The following RPS6KA2 variants were observed in gnomAD, a reference collection of about 807,000 sequenced individuals.
RPS6KA2 encodes the protein ribosomal protein S6 kinase alpha-2.
RPS6KA2 carries 42 observed loss-of-function variants against 91.8 expected under a neutral mutation model. The ratio of observed to expected loss-of-function variants is 0.46; its 90% confidence interval spans 0.36 to 0.59. The LOEUF (loss-of-function observed/expected upper bound fraction) is 0.59. Among genes scored for constraint, RPS6KA2 ranks in the 20% least tolerant of loss-of-function variants. The pLI, the probability that RPS6KA2 is intolerant of heterozygous loss-of-function variation, is 0.00. For synonymous variants in RPS6KA2, 414 were observed against 393.6 expected (o/e 1.05, Z -0.61); for missense variants, 798 against 978.5 (o/e 0.82, Z 2.46).
At chr6:166,447,508 A>G (rs2281053) in intron 14 of RPS6KA2, among the ~76,000 whole-genome samples, 34,443 of 152,122 alleles carry the variant, frequency 0.23, 7,737 homozygotes, top group African/African-American at 0.58. Context: ...GGCGTCTTCT[A>G]TGACAGCAAA....
chr6:166,726,948 C>T lies in RPS6KA2; in HGVS notation c.123+131252G>A, dbSNP rs577606190. Among the ~76,000 whole-genome samples the T allele has an allele frequency of 6.6e-6, 1 of 152,260 alleles. No homozygotes were observed. The highest frequency in any genetic ancestry group is 6.5e-5 in the Admixed American group (1 of 15,302). On this transcript the variant is annotated intron_variant, in intron 2 of 21. Transcript: ENST00000503859. This position sits in a 1 kb window ranked among gnomAD's most constrained non-coding sequence, Gnocchi z 4.4. ...CAAACCTGATTTCCGTGAAGAATTTCCCACTTGCACTCATGAAGACATGGC... is the reference window on the plus strand; with the variant it reads ...CAAACCTGATTTCCGTGAAGAATTTTCCACTTGCACTCATGAAGACATGGC...
intron 2 of RPS6KA2, among the ~76,000 whole-genome samples, chr6:166,672,280 C>T (rs1341712787): frequency 1.3e-5 from 2 of 152,090 alleles, no homozygotes; most frequent in Non-Finnish European, 2.9e-5. Context: ...ACCTCCTGCA[C>T]CACAAGCGAT....
chr6:166,623,106 G>A (rs1447713859), intron 1 of RPS6KA2, among the ~76,000 whole-genome samples: 10 of 152,224 alleles, frequency 6.6e-5, no homozygotes. Flanking sequence ...TGTCTTTCAG[G>A]AGAAATGCCA....
chr6:166,455,440 C>T (rs1240225502), intron 12 of RPS6KA2, among the ~76,000 whole-genome samples: 1 of 152,108 alleles, frequency 6.6e-6, no homozygotes, highest in African/African-American at 2.4e-5. Flanking sequence ...GTGTCCTGAA[C>T]CAAGAGGCAG....
intron 3 of RPS6KA2, among the ~76,000 whole-genome samples, chr6:166,522,235 A>G (rs1562554109): frequency 6.6e-6 from 1 of 152,254 alleles, no homozygotes; most frequent in Non-Finnish European, 1.5e-5. Context: ...AAAGAAAATT[A>G]AGGTTAAGAT....
chr6:166,641,245 A>C (rs546936491), intron 2 of RPS6KA2, among the ~76,000 whole-genome samples: 1 of 152,236 alleles, frequency 6.6e-6, no homozygotes, highest in Non-Finnish European at 1.5e-5. Context: ...CCAAAATCAG[A>C]CCTGTACAGA....
rs1332031387 is a variant in RPS6KA2 at position 166,648,479 on chromosome 6, C to T, written c.124-109695G>A. ...GCAAGAATTACTTGAGAGCAGAAGC[C>T]ATGTCTCATTTGACAAACAGGCAGC... On this transcript the variant is annotated intron_variant, in intron 2 of 21. Transcript: ENST00000503859. This position sits in a 1 kb window ranked among gnomAD's most constrained non-coding sequence, Gnocchi z 4.8. Among the ~76,000 whole-genome samples, 1 of 152,202 alleles carries T rather than the reference C, an allele frequency of 6.6e-6. No homozygotes were observed. Among genetic ancestry groups the T allele is most frequent in the African/African-American group, 2.4e-5 (1 of 41,438 alleles).
In RPS6KA2 at chr6:166,512,816, C is replaced by T. The variant is rs143397553; in HGVS notation, c.299-2459G>A. ...GTGCCACAACAACACGGGGCCCGCC[C>T]ACACTGTGCCGCTTCAGGTGTCATT... On this transcript the variant is annotated intron_variant, in intron 3 of 20. Transcript: ENST00000265678. Among the ~76,000 whole-genome samples the T allele has an allele frequency of 2.7e-3, 412 of 152,348 alleles. 2 individuals are homozygous for T. The highest frequency in any genetic ancestry group is 9.5e-3 in the African/African-American group (395 of 41,580).
intron 2 of RPS6KA2, among the ~76,000 whole-genome samples, chr6:166,679,306 AT>A (rs1189918054): frequency 1.3e-5 from 2 of 151,494 alleles, no homozygotes; most frequent in African/African-American, 4.9e-5. Flanking sequence ...AAAAAAAAAA[AT>A]ACAAAAATTA....
intron 10 of RPS6KA2, among the ~76,000 whole-genome samples, chr6:166,476,370 C>T (rs1206444147): frequency 6.6e-6 from 1 of 152,160 alleles, no homozygotes; most frequent in Non-Finnish European, 1.5e-5. Flanking sequence ...GTCAAGGCTG[C>T]CCCAAGAAAC....
chr6:166,551,232 G>A (rs897782039), intron 1 of RPS6KA2, among the ~76,000 whole-genome samples: 2 of 152,168 alleles, frequency 1.3e-5, no homozygotes, highest in East Asian at 1.9e-4. Context: ...ATCTTTGAAG[G>A]AAGGTTCAAT....
intron 2 of RPS6KA2, among the ~76,000 whole-genome samples, chr6:166,764,125 C>T (rs751897284): frequency 2.0e-5 from 3 of 152,124 alleles, no homozygotes; most frequent in Non-Finnish European, 4.4e-5. Context: ...CTGAGGACCA[C>T]GCGGTGCTGG....
At chr6:166,862,449 T>G in exon 1 of RPS6KA2, 2 of 1,193,518 alleles carry the variant, frequency 1.7e-6, no homozygotes, top group East Asian at 3.6e-5. Context: ...CTGCTGCCGC[T>G]TCCCGCTCGG....
rs1014649137 is a variant in RPS6KA2 at position 166,733,195 on chromosome 6, C to T, written c.123+125005G>A. On this transcript the variant is annotated intron_variant, in intron 2 of 21. Coordinates refer to the RPS6KA2 transcript ENST00000503859. The surrounding 1 kb of genome is among the most constrained non-coding windows in gnomAD (Gnocchi z 4.1). Reference sequence around the variant, plus strand: ...AAATTATACTTGGATGTCACATTATCGGCCAGAATGGGAGTACTTTTGAAA... The same window carrying T: ...AAATTATACTTGGATGTCACATTATTGGCCAGAATGGGAGTACTTTTGAAA... 1.3e-5 allele frequency among the ~76,000 whole-genome samples: 2 copies of T among 152,202 alleles called. No individual in the cohort carries two copies. The highest frequency in any genetic ancestry group is 2.4e-5 in the African/African-American group (1 of 41,458).
chr6:166,475,693 C>T (rs988203114), intron 10 of RPS6KA2: 5 of 488,638 alleles, frequency 1.0e-5, no homozygotes, highest in Middle Eastern at 6.8e-4. Flanking sequence ...AGATCACACA[C>T]GAAGGCAGGG....
intron 2 of RPS6KA2, among the ~76,000 whole-genome samples, chr6:166,647,291 C>T (rs1238583952): frequency 1.3e-5 from 2 of 152,150 alleles, no homozygotes; most frequent in Admixed American, 6.5e-5. Context: ...CACTTTGCAT[C>T]CTGTGCGTTT....
intron 14 of RPS6KA2, among the ~76,000 whole-genome samples, chr6:166,441,433 C>T (rs189233683): frequency 4.6e-5 from 7 of 152,376 alleles, no homozygotes; most frequent in African/African-American, 1.4e-4. Flanking sequence ...GCCTGGACCT[C>T]TCTCTTCCCA....
At chr6:166,837,649 C>A (rs1383043302) in intron 2 of RPS6KA2, among the ~76,000 whole-genome samples, 3 of 152,192 alleles carry the variant, frequency 2.0e-5, no homozygotes, top group Admixed American at 2.0e-4. Flanking sequence ...CCAGCTGTGT[C>A]CTCATCACCT....
chr6:166,794,518 G>C (rs1024957349), intron 2 of RPS6KA2, among the ~76,000 whole-genome samples: 1 of 151,354 alleles, frequency 6.6e-6, no homozygotes, highest in Non-Finnish European at 1.5e-5. Flanking sequence ...TATACCCAAA[G>C]GATTATAAAT....
Sources: gnomAD v4.1 joint callset for allele counts (sites outside exome capture counted in the v4.1 genomes callset) on GRCh38, gnomAD v4.1.1 for gene constraint, Gnocchi (gnomAD v3.1) non-coding constraint, MANE v1.5 for transcripts, NCBI Gene and HGNC (gene_info 2026-07-23, HGNC 2026-07-21) for gene names.